The following SMTN variants were observed in gnomAD, a reference collection of about 807,000 sequenced individuals.
SMTN encodes smoothelin.
SMTN carries 58 observed loss-of-function variants against 102.0 expected under a neutral mutation model. The ratio of observed to expected loss-of-function variants is 0.57; its 90% CI spans 0.46 to 0.71. The LOEUF is 0.71. Among genes scored for constraint, SMTN ranks in the 30% least tolerant of loss-of-function variants. SMTN has a pLI of 0.00. For missense variants in SMTN, 1,185 were observed against 1,241.7 expected (o/e 0.95, Z 0.69); for synonymous variants, 478 against 497.9 (o/e 0.96, Z 0.53).
upstream of SMTN, among the ~76,000 whole-genome samples, chr22:31,077,325 AGCCATGGTTGT>A (rs2042154045): frequency 6.6e-6 from 1 of 151,834 alleles, no homozygotes; most frequent in African/African-American, 2.4e-5. Context: ...GGCTGCAGTG[AGCCATGGTTGT>A]GCCACTCCAC....
At position 31,100,288 on chromosome 22, in the gene SMTN, C is replaced by T. The variant is rs537855296; in HGVS notation, c.2603+392C>T. On this transcript the variant is annotated intron_variant, in intron 19 of 20. Transcript: ENST00000333137. ...AGATTCCAAAAGGAGGCTCCTGGCC[C>T]GGGCACCGTGCCCGCCCAGCCTATA... is the stretch of plus-strand genomic sequence containing the variant. Among the ~76,000 whole-genome samples the T allele has an allele frequency of 6.6e-5, 10 of 152,262 alleles. No homozygotes were observed. In the East Asian group the frequency reaches 1.2e-3, roughly 18 times the overall value.
chr22:31,101,304 G>C (rs1190128214), intron 20 of SMTN: 1 of 445,734 alleles, frequency 2.2e-6, no homozygotes, highest in Non-Finnish European at 4.1e-6. Flanking sequence ...TGCAGGTCTG[G>C]GCCCCCCATC....
intron 2 of SMTN, chr22:31,085,236 G>A: frequency 6.5e-7 from 1 of 1,532,460 alleles, no homozygotes; most frequent in Non-Finnish European, 8.7e-7. Flanking sequence ...ACTGAAGCAG[G>A]CGGTAGCGGG....
Position 31,089,876 on chromosome 22 carries a change from C to T in SMTN, c.649C>T (p.Pro217Ser), listed in dbSNP as rs1410203226. Residue 217 changes from proline to serine, a missense_variant, in exon 7 of 21, where the codon CCA (proline) becomes TCA (serine). By Grantham distance (74) the Pro-to-Ser change is moderately conservative. This residue lies in a region of SMTN where 1,096 missense variants were observed against 1,112.7 expected (regional missense o/e 0.98). Transcript: ENST00000333137. ...ACCCACCCCTGCCTCTCCTGAGCCT[C>T]CATTGGAGCCTGCCGAGGCCCAGTG... ...SSPTPASPEP[P>S]LEPAEAQCLT... 2 of 1,613,944 alleles carry T rather than the reference C, an allele frequency of 1.2e-6. 1 individual carries two copies. The highest frequency in any genetic ancestry group is 1.7e-6 in the Non-Finnish European group (2 of 1,179,950).
intron 17 of SMTN, 51 bp downstream of exon 17, chr22:31,098,891 T>TG: frequency 5.4e-6 from 5 of 930,100 alleles, no homozygotes; most frequent in South Asian, 1.4e-5. Context: ...TGATAGGCAG[T>TG]GGGGGGCGGG....
chr22:31,070,285 C>A (rs1489659418), intron 1 of SMTN, among the ~76,000 whole-genome samples: 1 of 152,170 alleles, frequency 6.6e-6, no homozygotes, highest in Non-Finnish European at 1.5e-5. Context: ...AATTTTTGAA[C>A]AAGGAGCTCC....
intron 1 of SMTN, among the ~76,000 whole-genome samples, chr22:31,073,053 C>T (rs1456816498): frequency 1.5e-5 from 2 of 135,556 alleles, no homozygotes; most frequent in Non-Finnish European, 3.1e-5. Flanking sequence ...CTTGCTCTGT[C>T]ACCCAGGCTA....
Position 31,095,677 on chromosome 22 carries a change from G to A in SMTN, c.1861+68G>A, listed in dbSNP as rs1008519. On this transcript the variant is annotated intron_variant, in intron 13 of 20. Transcript: ENST00000333137. The surrounding 1 kb of genome is among the most constrained non-coding windows in gnomAD (Gnocchi z 4.1). The stretch of plus-strand genomic sequence containing the variant: ...CCCCAGCTGCTCCCCTCATACTCTG[G>A]GGTCCATTTGTGGACACCCCAGCTT... 4.8e-3 allele frequency: 6,813 copies of A among 1,429,554 alleles called. 29 individuals carry two copies. The highest frequency in any genetic ancestry group is 6.0e-3 in the Non-Finnish European group (6,199 of 1,040,920). 88.6% of individuals were successfully genotyped at this position (1,429,554 alleles called of 1,614,324 possible).
rs2042978404 is a variant in SMTN at position 31,089,813 on chromosome 22, G to A, written c.586G>A (p.Gly196Arg). The A allele has an allele frequency of 6.2e-7, 1 of 1,613,678 alleles. No individual in the cohort carries two copies. Among genetic ancestry groups the A allele is most frequent in the East Asian group, 2.2e-5 (1 of 44,874 alleles). Residue 196 changes from glycine (G) to arginine (R), a missense_variant, in exon 7 of 21, where the codon GGG becomes AGG. Transcript: ENST00000333137. ...TVTLLLRAPP[G>R]STSSSPASPS... ...GACACTCCTGCTGCGAGCCCCACCTGGGAGCACATCCAGCTCACCTGCCTC... is the reference window on the plus strand; with the variant it reads ...GACACTCCTGCTGCGAGCCCCACCTAGGAGCACATCCAGCTCACCTGCCTC...
chr22:31,075,721 T>C (rs1257385027), intron 1 of SMTN, among the ~76,000 whole-genome samples: 1 of 146,542 alleles, frequency 6.8e-6, no homozygotes, highest in Non-Finnish European at 1.5e-5. Context: ...CCAGTGGGGG[T>C]AGGGTGAGGA....
At chr22:31,101,676 C>T (rs1003542534) in intron 20 of SMTN, 2 of 148,824 alleles carry the variant, frequency 1.3e-5, no homozygotes, top group South Asian at 2.1e-4. Flanking sequence ...CCTAGCGACT[C>T]AGGAGGCTGA....
chr22:31,093,681 G>A (rs1227858948), intron 11 of SMTN: 1 of 874,062 alleles, frequency 1.1e-6, no homozygotes. Flanking sequence ...AGGTGGAGGT[G>A]CTGAGCCTAC....
intron 1 of SMTN, chr22:31,067,748 C>G (rs2041893010): frequency 6.6e-6 from 1 of 151,790 alleles, no homozygotes; most frequent in Non-Finnish European, 1.5e-5. Flanking sequence ...TTAGTAGAGA[C>G]AGGGTTTCAC....
chr22:31,095,582 C>T lies in SMTN; in HGVS notation c.1834C>T (p.Leu612Phe), dbSNP rs1197206718. ...AGAGCGGAAGCTCATCCGGGCTGCA[C>T]TTCGTGAGCTCCGACAAAGGAAGAG... ...FEERKLIRAA[L>F]RELRQRKRDQ... Residue 612 changes from leucine (L) to phenylalanine (F), a missense_variant, in exon 13 of 21, where the codon CTT becomes TTT. This residue lies in a region of SMTN where 1,096 missense variants were observed against 1,112.7 expected (regional missense o/e 0.98). Coordinates refer to ENST00000333137, the MANE Select transcript of SMTN (RefSeq NM_134269.3). This position sits in a 1 kb window ranked among gnomAD's most constrained non-coding sequence, Gnocchi z 4.1. 2.5e-6 allele frequency: 4 copies of T among 1,613,800 alleles called. No individual in the cohort carries two copies. The highest frequency in any genetic ancestry group is 4.5e-5 in the East Asian group (2 of 44,888).
At chr22:31,091,978 G>A in intron 11 of SMTN, 131 bp downstream of exon 11, 1 of 901,484 alleles carries the variant, frequency 1.1e-6, no homozygotes, top group East Asian at 2.7e-5. Flanking sequence ...CCCAGAGAGG[G>A]AAGGTGGCTG....
rs1372025407 is a variant in SMTN at position 31,097,317 on chromosome 22, C to G, written c.2138C>G (p.Ser713Cys). 1.2e-6 allele frequency: 2 copies of G among 1,614,028 alleles called. No individual in the cohort carries two copies. Among genetic ancestry groups the G allele is most frequent in the African/African-American group, 2.7e-5 (2 of 74,926 alleles). The change falls in exon 16 of 21, where the codon TCC becomes TGC. Residue 713 changes from serine to cysteine, a missense_variant. Ser to Cys is a moderately radical substitution (Grantham distance 112). Around this residue, in one of 2 missense-constraint regions of SMTN, gnomAD observed 1,096 missense variants for 1,112.7 expected, o/e 0.98. Transcript: ENST00000333137. ...MMQTKTFSSSSSSKKMGSIFD... is the reference protein window; with the variant it reads ...MMQTKTFSSSCSSKKMGSIFD... ...CAAACCAAGACCTTCTCCTCTTCCT[C>G]CTCATCCAAGAAGATGGGCAGGTGA... is the stretch of plus-strand genomic sequence containing the variant.
intron 1 of SMTN, chr22:31,082,027 G>T: frequency 6.5e-6 from 1 of 154,644 alleles, no homozygotes. Context: ...GAACAGGCTG[G>T]GACCCACACA....
At chr22:31,098,607 G>T in intron 16 of SMTN, 60 bp from the exon 17 acceptor site, 2 of 1,554,674 alleles carry the variant, frequency 1.3e-6, no homozygotes, top group Non-Finnish European at 1.8e-6. Flanking sequence ...CGCGAGTGGT[G>T]GTCCAGGCTG....
rs551121414 is a variant in SMTN, at chr22:31,085,320, A to G, written c.51+2011A>G. On this transcript the variant is annotated intron_variant, in intron 2 of 20. Coordinates refer to ENST00000333137, the MANE Select transcript of SMTN (RefSeq NM_134269.3). ...GGCGAGGCGAGGGCGGCGCCCTGCG[A>G]GGGAGGGCGGTCGCAGAACCTGCGG... The G allele has an allele frequency of 3.9e-4, 570 of 1,475,882 alleles. 1 individual carries two copies. The African/African-American group carries it at 7.3e-3, about 19-fold the overall frequency. The allele number at this position is 1,475,882 out of a possible 1,614,324, so 91.4% of individuals were successfully genotyped here.
Sources: gnomAD v4.1 joint callset for allele counts (sites outside exome capture counted in the v4.1 genomes callset) on GRCh38, gnomAD v4.1.1 for gene constraint, gnomAD v4.1.1 regional missense constraint, Gnocchi (gnomAD v3.1) non-coding constraint, MANE v1.5 for transcripts, NCBI Gene and HGNC (gene_info 2026-07-23, HGNC 2026-07-21) for gene names.